Variants in CC2D2A observed in about 807,000 individuals in gnomAD.
CC2D2A encodes coiled-coil and C2 domain-containing protein 2A.
In CC2D2A, 155 loss-of-function variants were observed where a neutral mutation model predicts 212.9. The observed-to-expected ratio is 0.73, with a 90% CI of 0.64 to 0.83. The LOEUF (loss-of-function observed/expected upper bound fraction) is 0.83. Among genes scored for constraint, CC2D2A ranks in the 40% least tolerant of loss-of-function variants. The pLI is 0.00. For missense variants in CC2D2A, 1,856 were observed against 1,956.2 expected, an observed-to-expected ratio of 0.95 and a Z score of 0.97; for synonymous variants, 667 against 686.5, an observed-to-expected ratio of 0.97 and a Z score of 0.44.
At chr4:15,501,745 T>G (rs28673332) in intron 4 of CC2D2A, among the ~76,000 whole-genome samples, 55,379 of 151,962 alleles carry the variant, frequency 0.36, 10,489 homozygotes, top group Non-Finnish European at 0.42. Flanking sequence ...TGCAGAGCCT[T>G]CATCTTTGTG....
intron 32 of CC2D2A, among the ~76,000 whole-genome samples, chr4:15,588,671 CAGAT>C (rs1720960649): frequency 6.6e-6 from 1 of 152,080 alleles, no homozygotes; most frequent in African/African-American, 2.4e-5. Context: ...CATTATCTCC[CAGAT>C]AGTCTGGTCC....
chr4:15,584,956 C>A (rs943718719), intron 30 of CC2D2A, among the ~76,000 whole-genome samples: 6 of 152,150 alleles, frequency 3.9e-5, no homozygotes, highest in Non-Finnish European at 7.4e-5. Context: ...CCACCTCACT[C>A]CAGTTAAAAT....
intron 19 of CC2D2A, among the ~76,000 whole-genome samples, chr4:15,554,219 G>A (rs1245863275): frequency 6.6e-6 from 1 of 152,172 alleles, no homozygotes; most frequent in African/African-American, 2.4e-5. Context: ...AAAATCTCCT[G>A]GGGAGTAAAG....
At chr4:15,476,970 A>G (rs1394769884) in intron 2 of CC2D2A, among the ~76,000 whole-genome samples, 1 of 152,208 alleles carries the variant, frequency 6.6e-6, no homozygotes, top group Non-Finnish European at 1.5e-5. Flanking sequence ...GTCCTCCAAA[A>G]AGCCTGAGGA....
At chr4:15,553,412 G>C in intron 19 of CC2D2A, 107 bp downstream of exon 19, 2 of 1,269,410 alleles carry the variant, frequency 1.6e-6, no homozygotes, top group Non-Finnish European at 2.2e-6. Context: ...TTATTGTCAG[G>C]TGCCAGTATT....
intron 17 of CC2D2A, among the ~76,000 whole-genome samples, chr4:15,548,219 C>T (rs1457846148): frequency 6.6e-6 from 1 of 151,788 alleles, no homozygotes; most frequent in Non-Finnish European, 1.5e-5. Flanking sequence ...CTAGCAAACC[C>T]TCCATTTCCC....
intron 24 of CC2D2A, among the ~76,000 whole-genome samples, chr4:15,565,634 G>T (rs1324156680): frequency 6.6e-6 from 1 of 152,042 alleles, no homozygotes; most frequent in African/African-American, 2.4e-5. Flanking sequence ...TAGACCCAGG[G>T]TCTTGCTGTG....
At chr4:15,475,832 G>C in intron 1 of CC2D2A, 83 bp from the exon 2 acceptor site, 1 of 1,123,584 alleles carries the variant, frequency 8.9e-7, no homozygotes, top group South Asian at 1.3e-5. Context: ...TACCATCATG[G>C]CCAGCCTCTT....
intron 28 of CC2D2A, among the ~76,000 whole-genome samples, chr4:15,573,479 T>C (rs901367144): frequency 3.3e-5 from 5 of 152,170 alleles, no homozygotes; most frequent in African/African-American, 9.7e-5. Context: ...TTGGTAAAGA[T>C]GGAGTTTCAC....
chr4:15,565,828 T>C (rs1251649221), intron 24 of CC2D2A, among the ~76,000 whole-genome samples: 2 of 152,114 alleles, frequency 1.3e-5, no homozygotes, highest in Admixed American at 6.5e-5. Flanking sequence ...ACCAGGCTGG[T>C]CTTGAACTCC....
Position 15,535,529 on chromosome 4 carries a change from C to CA in CC2D2A, c.1608-1381dup, listed in dbSNP as rs910082774. ...TTATAATAAAGCATAGTTTTTCCCA[C>CA]AAAAAAAAAACTATTCAAGTTTATT... On this transcript the variant is annotated intron_variant, in intron 14 of 36. Coordinates refer to ENST00000424120, the MANE Select transcript of CC2D2A (RefSeq NM_001378615.1). 2.4e-3 allele frequency among the ~76,000 whole-genome samples: 353 copies of CA among 145,598 alleles called. 1 individual carries two copies. The highest frequency in any genetic ancestry group is 7.0e-3 in the African/African-American group (278 of 39,816).
intron 29 of CC2D2A, among the ~76,000 whole-genome samples, chr4:15,577,046 T>G (rs1318424189): frequency 6.6e-6 from 1 of 152,216 alleles, no homozygotes; most frequent in Non-Finnish European, 1.5e-5. Context: ...CTAGCTGGAG[T>G]GCAGTGGTGC....
chr4:15,560,483 A>G, intron 22 of CC2D2A, 48 bp from the exon 23 acceptor site: 2 of 981,808 alleles, frequency 2.0e-6, no homozygotes, highest in Non-Finnish European at 3.1e-6. Context: ...AGAGTGAACT[A>G]CGAAGTTTAA....
intron 6 of CC2D2A, among the ~76,000 whole-genome samples, chr4:15,507,138 A>C (rs1375658524): frequency 1.3e-5 from 2 of 152,068 alleles, no homozygotes; most frequent in Admixed American, 1.3e-4. Flanking sequence ...TTCTTTCCTC[A>C]TCCTCAAAAA....
At chr4:15,541,067 T>C in intron 17 of CC2D2A, 53 bp downstream of exon 17, 1 of 1,411,734 alleles carries the variant, frequency 7.1e-7, no homozygotes. Context: ...ATGCCTGTAC[T>C]TTGGGAGGCC....
Position 15,578,314 on chromosome 4 carries a change from C to A in CC2D2A, c.3772-1654C>A, listed in dbSNP as rs538409098. On this transcript the variant is annotated intron_variant, in intron 29 of 36. Transcript: ENST00000424120. ...CTAAATAACCCCTACAACCACTACT[C>A]CAACTTCTTAGGGTATAGTAATCAA... 3.9e-5 allele frequency among the ~76,000 whole-genome samples: 6 copies of A among 152,306 alleles called. No individual in the cohort carries two copies. In the South Asian group the frequency reaches 1.2e-3, roughly 32 times the overall value.
Position 15,511,350 on chromosome 4 carries a change from G to A in CC2D2A, c.644G>A (p.Arg215Lys), listed in dbSNP as rs756061892. 2 of 1,580,568 alleles carry A rather than the reference G, an allele frequency of 1.3e-6. No individual in the cohort carries two copies. Among genetic ancestry groups the A allele is most frequent in the Non-Finnish European group, 8.6e-7 (1 of 1,167,792 alleles). Residue 215 changes from arginine to lysine, a missense_variant, in exon 8 of 37, where the codon AGA (arginine) becomes AAA (lysine). Arg to Lys is a conservative substitution (Grantham distance 26). Transcript: ENST00000424120. ...GAGGAAAAACCAAAAGCAAGACATAGAGCGGGAACTAATCAAGAGGAGGAG... is the reference window on the plus strand; with the variant it reads ...GAGGAAAAACCAAAAGCAAGACATAAAGCGGGAACTAATCAAGAGGAGGAG... ...GSEEKPKARH[R>K]AGTNQEEEEG...
chr4:15,536,232 C>G (rs1221918727), intron 14 of CC2D2A, among the ~76,000 whole-genome samples: 1 of 150,934 alleles, frequency 6.6e-6, no homozygotes, highest in Non-Finnish European at 1.5e-5. Context: ...ACCGCATGTT[C>G]TCACTCACAG....
At chr4:15,532,156 C>T (rs891585347) in intron 13 of CC2D2A, among the ~76,000 whole-genome samples, 2 of 152,202 alleles carry the variant, frequency 1.3e-5, no homozygotes, top group Non-Finnish European at 2.9e-5. Context: ...AACCACAATG[C>T]TTTACTGGTC....
Sources: allele counts gnomAD v4.1 joint callset (sites outside exome capture counted in the v4.1 genomes callset), GRCh38; gene constraint gnomAD v4.1.1; transcripts MANE v1.5; gene names NCBI Gene and HGNC (gene_info 2026-07-23, HGNC 2026-07-21).